Variants in DEPDC4 observed in about 807,000 individuals in gnomAD.
The protein encoded by DEPDC4 is DEP domain-containing protein 4.
Under a neutral mutation model 52.0 loss-of-function variants are expected in DEPDC4, and 52 were observed. The ratio of observed to expected loss-of-function variants is 1.00; its 90% CI spans 0.80 to 1.26. The LOEUF (loss-of-function observed/expected upper bound fraction) is 1.26. DEPDC4 is among the 50% of genes most tolerant of loss of function. DEPDC4 has a pLI of 0.00. For missense variants in DEPDC4, 530 were observed against 546.9 expected (o/e 0.97, Z 0.31); for synonymous variants, 201 against 196.8 (o/e 1.02, Z -0.18).
rs771415558 is a variant in DEPDC4 at position 100,266,924 on chromosome 12, C to A, written c.153G>T (p.Arg51Ser). The A allele has an allele frequency of 1.2e-6, 2 of 1,613,400 alleles. No homozygotes were observed. Among genetic ancestry groups the A allele is most frequent in the South Asian group, 2.2e-5 (2 of 90,884 alleles). The change falls in exon 1 of 10, where the codon AGG (arginine) becomes AGT (serine). Residue 51 changes from arginine (R) to serine (S), a missense_variant. Physicochemically the swap from Arg to Ser is moderately radical, Grantham distance 110. Coordinates refer to ENST00000550587, the MANE Select transcript of DEPDC4 (RefSeq NM_001364818.2). ...NRRDGFCRKR[R>S]TGCSGPFQAT... ...GGCTAGGATATACAGGGCTACCTGT[C>A]CTCCTTTTCCGGCAGAAGCCATCTC...
At chr12:100,234,663 G>C (rs1284547456) in intron 9 of DEPDC4, among the ~76,000 whole-genome samples, 1 of 152,096 alleles carries the variant, frequency 6.6e-6, no homozygotes, top group Admixed American at 6.6e-5. Flanking sequence ...AATAATCTAA[G>C]AAGTTTAAAC....
chr12:100,240,251 C>A lies in DEPDC4; in HGVS notation c.*1641G>T, dbSNP rs1303954069. On this transcript the variant is annotated 3_prime_UTR_variant, in exon 10 of 10. Coordinates refer to ENST00000550587, the MANE Select transcript of DEPDC4 (RefSeq NM_001364818.2). ...CTCACTGCAGCCTAAAACTCCTGGGCTCAAGAGATCCTCCCACCTCAGCCT... is the reference window on the plus strand; with the variant it reads ...CTCACTGCAGCCTAAAACTCCTGGGATCAAGAGATCCTCCCACCTCAGCCT... 6.6e-6 allele frequency among the ~76,000 whole-genome samples: 1 copy of A among 152,136 alleles called. No homozygotes were observed. The highest frequency in any genetic ancestry group is 1.9e-4 in the East Asian group (1 of 5,190).
At chr12:100,242,842 C>T (rs1435707897) in intron 8 of DEPDC4, among the ~76,000 whole-genome samples, 1 of 152,208 alleles carries the variant, frequency 6.6e-6, no homozygotes, top group Non-Finnish European at 1.5e-5. Context: ...AATTCTCTTG[C>T]ACACCTATCC....
At chr12:100,267,281 A>T, upstream of DEPDC4, 1 of 564,098 alleles carries the variant, frequency 1.8e-6, no homozygotes, top group Non-Finnish European at 3.1e-6. Context: ...GAGGATATGG[A>T]GTAAAGCCAG....
chr12:100,252,667 T>G lies in DEPDC4; in HGVS notation c.1106-131A>C, dbSNP rs2096213235. Reference sequence around the variant, plus strand: ...GCAGGTTCTTTTCTACAATTAAAATTTTTTATTATGGAATATTTCAAACAC... The same window carrying G: ...GCAGGTTCTTTTCTACAATTAAAATGTTTTATTATGGAATATTTCAAACAC... On this transcript the variant is annotated intron_variant, in intron 5 of 9. Coordinates refer to ENST00000550587, the MANE Select transcript of DEPDC4 (RefSeq NM_001364818.2). 4.8e-6 allele frequency: 4 copies of G among 825,682 alleles called. No individual in the cohort carries two copies. In the Admixed American group the frequency reaches 1.0e-4, roughly 22 times the overall value. The allele number at this position is 825,682 out of a possible 1,614,324, so 51.1% of individuals were successfully genotyped here. A position where few individuals can be genotyped will look rare whatever the true frequency, so the allele number is the denominator to read the frequency against.
Position 100,241,661 on chromosome 12 carries a change from T to C in DEPDC4, c.*231A>G. 8.3e-7 allele frequency: 1 copy of C among 1,203,948 alleles called. No individual in the cohort carries two copies. 74.6% of individuals were successfully genotyped at this position (1,203,948 alleles called of 1,614,324 possible). ...TATTTACAAATTGTAGTTTCTTGTA[T>C]CAGAAATGTTAATTCAAAGCTTCTG... On this transcript the variant is annotated 3_prime_UTR_variant, in exon 10 of 10. Coordinates refer to ENST00000550587, the MANE Select transcript of DEPDC4 (RefSeq NM_001364818.2).
rs749224189 is a variant in DEPDC4, at chr12:100,263,746, C to G, written c.305G>C (p.Ser102Thr). Reference protein sequence around the residue: ...TGSDAVDVVLSHLMQNTCLSS... With the variant: ...TGSDAVDVVLTHLMQNTCLSS... ...TAGGCACGTGTTTTGCATAAGATGACTTAAGACCACATCGACAGCATCAGA... is the reference window on the plus strand; with the variant it reads ...TAGGCACGTGTTTTGCATAAGATGAGTTAAGACCACATCGACAGCATCAGA... The change falls in exon 2 of 10, where the codon AGT becomes ACT. Residue 102 changes from serine to threonine, a missense_variant. Ser to Thr is a moderately conservative substitution (Grantham distance 58). Coordinates refer to ENST00000550587, the MANE Select transcript of DEPDC4 (RefSeq NM_001364818.2). 1 of 1,614,100 alleles carries G rather than the reference C, an allele frequency of 6.2e-7. No homozygotes were observed. Among genetic ancestry groups the G allele is most frequent in the Non-Finnish European group, 8.5e-7 (1 of 1,180,020 alleles).
the DEPDC4 span, among the ~76,000 whole-genome samples, chr12:100,276,537 T>C: frequency 6.6e-6 from 1 of 152,056 alleles, no homozygotes; most frequent in African/African-American, 2.4e-5. Flanking sequence ...AGGGTCTCCT[T>C]ATGTTGCTCG....
At chr12:100,233,095 A>T (rs1009260587) in intron 9 of DEPDC4, among the ~76,000 whole-genome samples, 1 of 152,212 alleles carries the variant, frequency 6.6e-6, no homozygotes, top group Non-Finnish European at 1.5e-5. Context: ...AGGTCACATT[A>T]GGTAGTGGAC....
chr12:100,242,259 T>G (rs2096162438), intron 9 of DEPDC4, among the ~76,000 whole-genome samples: 1 of 148,762 alleles, frequency 6.7e-6, no homozygotes, highest in Non-Finnish European at 1.5e-5. Flanking sequence ...CACCATAGCC[T>G]CCACACTCAC....
In DEPDC4 at chr12:100,256,080, T is replaced by C; in HGVS notation, c.847A>G (p.Arg283Gly). 5 of 1,609,832 alleles carry C rather than the reference T, an allele frequency of 3.1e-6. No homozygotes were observed. Among genetic ancestry groups the C allele is most frequent in the Non-Finnish European group, 4.2e-6 (5 of 1,178,096 alleles). ...DLVITNTCLD[R>G]ELIPSLCLPE... Reference sequence around the variant, plus strand: ...AGACATAAGCTTGGAATAAGTTCTCTGTCTAGGCAAGTGTTAGTGATAACA... The same window carrying C: ...AGACATAAGCTTGGAATAAGTTCTCCGTCTAGGCAAGTGTTAGTGATAACA... The change falls in exon 4 of 10, where the codon AGA becomes GGA. Residue 283 changes from arginine to glycine, a missense_variant. By Grantham distance (125) the Arg-to-Gly change is moderately radical. Coordinates refer to ENST00000550587, the MANE Select transcript of DEPDC4 (RefSeq NM_001364818.2).
At chr12:100,238,270 C>T (rs898608285), downstream of DEPDC4, among the ~76,000 whole-genome samples, 7 of 151,488 alleles carry the variant, frequency 4.6e-5, no homozygotes, top group African/African-American at 1.7e-4. Flanking sequence ...CGGGTTCAAG[C>T]AATTCTCCTG....
At chr12:100,254,054 T>C (rs895261827) in intron 4 of DEPDC4, among the ~76,000 whole-genome samples, 1 of 152,192 alleles carries the variant, frequency 6.6e-6, no homozygotes, top group Non-Finnish European at 1.5e-5. Context: ...TATGGTTCTA[T>C]TATTATTTGA....
intron 8 of DEPDC4, among the ~76,000 whole-genome samples, 184 bp downstream of exon 8, chr12:100,248,716 T>C (rs1453338765): frequency 6.6e-6 from 1 of 152,020 alleles, no homozygotes; most frequent in African/African-American, 2.4e-5. Flanking sequence ...AAAAGGTAAA[T>C]AAAGGGTTTC....
intron 2 of DEPDC4, among the ~76,000 whole-genome samples, chr12:100,262,982 G>C (rs1028376823): frequency 6.6e-6 from 1 of 152,070 alleles, no homozygotes; most frequent in Non-Finnish European, 1.5e-5. Context: ...TTTTGAGACA[G>C]ATTCTTGCTG....
chr12:100,234,355 A>G (rs1477713777), intron 9 of DEPDC4, among the ~76,000 whole-genome samples: 3 of 152,208 alleles, frequency 2.0e-5, no homozygotes, highest in Admixed American at 1.3e-4. Flanking sequence ...AAAATTACTC[A>G]GAGAAAAACC....
At chr12:100,260,530 C>T (rs1334393062) in intron 3 of DEPDC4, among the ~76,000 whole-genome samples, 3 of 151,788 alleles carry the variant, frequency 2.0e-5, no homozygotes, top group Non-Finnish European at 4.4e-5. Context: ...TAGATAAAAA[C>T]TGTACTTCTG....
At chr12:100,256,901 A>G (rs1461084741) in intron 3 of DEPDC4, among the ~76,000 whole-genome samples, 1 of 152,004 alleles carries the variant, frequency 6.6e-6, no homozygotes, top group African/African-American at 2.4e-5. Flanking sequence ...TCGGCCTCCC[A>G]AAGTGCTGGG....
Position 100,252,247 on chromosome 12 carries a change from T to C in DEPDC4, c.1303A>G (p.Lys435Glu), listed in dbSNP as rs1340484620. Residue 435 changes from lysine to glutamate, a missense_variant, in exon 7 of 10, where the codon AAA becomes GAA. By Grantham distance (56) the Lys-to-Glu change is moderately conservative. Transcript: ENST00000550587. ...KTLAKSVLQAKSLLKVRAEQL... is the reference protein window; with the variant it reads ...KTLAKSVLQAESLLKVRAEQL... ...TCTGCCCGCACTTTTAATAATGATT[T>C]GGCTTGCAAAACTGATTTGGCAAGA... is the stretch of plus-strand genomic sequence containing the variant. The C allele has an allele frequency of 5.8e-6, 8 of 1,370,072 alleles. No homozygotes were observed. The allele number at this position is 1,370,072 out of a possible 1,614,324, so 84.9% of individuals were successfully genotyped here.
Sources: allele counts gnomAD v4.1 joint callset (sites outside exome capture counted in the v4.1 genomes callset), GRCh38; gene constraint gnomAD v4.1.1; transcripts MANE v1.5; gene names NCBI Gene and HGNC (gene_info 2026-07-23, HGNC 2026-07-21).